Variants in FRMD7 observed in about 807,000 individuals in gnomAD.
FRMD7 encodes FERM domain-containing protein 7.
FRMD7 carries 14 observed loss-of-function variants against 44.1 expected under a neutral mutation model. That is an observed-to-expected ratio of 0.32 (90% CI 0.21 to 0.50). The LOEUF (loss-of-function observed/expected upper bound fraction) is 0.50. FRMD7 is among the 20% of genes least tolerant of loss of function. The probability of loss-of-function intolerance (pLI) is 0.99; values close to 1 mark genes in which losing one functional copy is unlikely to be tolerated. For missense variants in FRMD7, 501 were observed against 522.3 expected (o/e 0.96, Z 0.40); for synonymous variants, 212 against 187.4 (o/e 1.13, Z -1.07).
intron 5 of FRMD7, among the ~76,000 whole-genome samples, chrX:132,091,035 T>C (rs917836906): frequency 9.0e-6 from 1 of 111,573 alleles, no homozygotes; most frequent in African/African-American, 3.3e-5. Flanking sequence ...CCATTTCCTC[T>C]TGAGGTCTGT....
Position 132,118,707 on chromosome X carries a change from C to A in FRMD7, c.57+9081G>T, listed in dbSNP as rs750685619. On this transcript the variant is annotated intron_variant, in intron 1 of 11. Coordinates refer to ENST00000298542, the MANE Select transcript of FRMD7 (RefSeq NM_194277.3). ...TGGGCATTTAGCTGTCTCATCAGTT[C>A]CTGCTTGTCTCTCCTGTCTCAGCCC... Among the ~76,000 whole-genome samples, 77 of 111,753 alleles carry A rather than the reference C, an allele frequency of 6.9e-4. 1 individual carries two copies. Among genetic ancestry groups the A allele is most frequent in the Non-Finnish European group, 1.1e-3 (56 of 53,030 alleles).
intron 5 of FRMD7, among the ~76,000 whole-genome samples, chrX:132,089,187 T>C (rs1296659662): frequency 8.9e-6 from 1 of 112,090 alleles, no homozygotes; most frequent in African/African-American, 3.2e-5. Flanking sequence ...CAGAAGTAAC[T>C]CCTTACATTT....
chrX:132,127,721 G>A, intron 1 of FRMD7, 67 bp downstream of exon 1: 2 of 845,677 alleles, frequency 2.4e-6, no homozygotes, highest in Non-Finnish European at 3.6e-6. Context: ...CTCTCTAATG[G>A]GCTGTTCACA....
chrX:132,088,734 C>G (rs1445857689), intron 5 of FRMD7, among the ~76,000 whole-genome samples: 1 of 110,833 alleles, frequency 9.0e-6, no homozygotes, highest in Non-Finnish European at 1.9e-5. Flanking sequence ...TAAAAAGTTC[C>G]ATTTACAATA....
At chrX:132,112,916 T>A (rs1188087896) in intron 1 of FRMD7, among the ~76,000 whole-genome samples, 1 of 111,715 alleles carries the variant, frequency 9.0e-6, no homozygotes, top group Non-Finnish European at 1.9e-5. Context: ...ACAGGTTGCA[T>A]CTGATTCACA....
chrX:132,097,402 T>TACACACACAC, intron 3 of FRMD7, 58 bp from the exon 4 acceptor site: 1 of 584,028 alleles, frequency 1.7e-6, no homozygotes, highest in Non-Finnish European at 3.0e-6. Flanking sequence ...CAGTTATAGG[T>TACACACACAC]ACACACACAC....
chrX:132,125,301 G>A (rs1034196987), intron 1 of FRMD7, among the ~76,000 whole-genome samples: 46 of 111,855 alleles, frequency 4.1e-4, no homozygotes, highest in Non-Finnish European at 1.7e-4. Flanking sequence ...ATCTGATCAT[G>A]TGTCCTTTTT....
intron 8 of FRMD7, among the ~76,000 whole-genome samples, chrX:132,083,008 T>C (rs903236181): frequency 2.7e-5 from 3 of 112,121 alleles, no homozygotes; most frequent in African/African-American, 3.3e-5. Context: ...TGAAGTGCAG[T>C]GGCATGATCA....
Position 132,085,926 on chromosome X carries a change from T to C in FRMD7, c.491A>G (p.Lys164Arg). The C allele has an allele frequency of 8.4e-7, 1 of 1,185,023 alleles. No homozygotes were observed. The highest frequency in any genetic ancestry group is 1.1e-6 in the Non-Finnish European group (1 of 870,937). The change falls in exon 6 of 12, where the codon AAG becomes AGG. Residue 164 changes from lysine (K) to arginine (R), a missense_variant. Physicochemically the swap from Lys to Arg is conservative, Grantham distance 26 (BLOSUM62 2). Coordinates refer to ENST00000298542, the MANE Select transcript of FRMD7 (RefSeq NM_194277.3). ...LEGKIMHFHQ[K>R]HIGRSPAESD... ...GCCAGCTGAAAGTACTTACATGTGC[T>C]TCTGATGAAAGTGCATGATCTTGCC...
chrX:132,109,273 G>A (rs1928721954), intron 1 of FRMD7, among the ~76,000 whole-genome samples: 2 of 111,762 alleles, frequency 1.8e-5, no homozygotes, highest in Admixed American at 1.9e-4. Flanking sequence ...ACAGAGAACT[G>A]TTTCATCAGT....
At chrX:132,108,483 T>C (rs956864887) in intron 1 of FRMD7, among the ~76,000 whole-genome samples, 1 of 112,022 alleles carries the variant, frequency 8.9e-6, no homozygotes, top group Non-Finnish European at 1.9e-5. Context: ...CTTTACACAG[T>C]GTCTGACACA....
At chrX:132,111,271 A>T (rs926580173) in intron 1 of FRMD7, among the ~76,000 whole-genome samples, 1 of 111,224 alleles carries the variant, frequency 9.0e-6, no homozygotes, top group African/African-American at 3.3e-5. Flanking sequence ...CTATTTATTT[A>T]CTTATTTTGA....
chrX:132,080,542 T>C lies in FRMD7; in HGVS notation c.906-276A>G, dbSNP rs143360932. On this transcript the variant is annotated intron_variant, in intron 9 of 11. Coordinates refer to ENST00000298542, the MANE Select transcript of FRMD7 (RefSeq NM_194277.3). ...AAAAATAATATACCTGGTCTGGGCA[T>C]GGTGGCTCACACCTTAATCCCAGCC... Among the ~76,000 whole-genome samples the C allele has an allele frequency of 6.1e-3, 687 of 112,283 alleles. 5 individuals are homozygous for C. Among genetic ancestry groups the C allele is most frequent in the African/African-American group, 0.021 (648 of 30,921 alleles).
At chrX:132,082,961 G>C (rs1014426094) in intron 8 of FRMD7, among the ~76,000 whole-genome samples, 3 of 111,875 alleles carry the variant, frequency 2.7e-5, no homozygotes, top group Admixed American at 9.5e-5. Flanking sequence ...TAAGTCTGTT[G>C]TTTTCTTGAG....
intron 4 of FRMD7, among the ~76,000 whole-genome samples, chrX:132,096,541 C>G (rs1214424367): frequency 1.9e-5 from 2 of 105,649 alleles, no homozygotes; most frequent in Non-Finnish European, 3.9e-5. Flanking sequence ...CATAGCAAAG[C>G]CCCATCTCTA....
chrX:132,079,493 C>T (rs1367555394), intron 11 of FRMD7, among the ~76,000 whole-genome samples: 2 of 111,767 alleles, frequency 1.8e-5, no homozygotes, highest in Non-Finnish European at 3.8e-5. Flanking sequence ...TTTATGAGAC[C>T]TATAATTATT....
Position 132,102,802 on chromosome X carries a change from T to C in FRMD7, c.58-2086A>G, listed in dbSNP as rs765521889. On this transcript the variant is annotated intron_variant, in intron 1 of 11. Coordinates refer to ENST00000298542, the MANE Select transcript of FRMD7 (RefSeq NM_194277.3). ...CCTTTCTCCTTTTCATATTTTATTCTTATTTTCCATCAGGGCACTTAATCC... is the reference window on the plus strand; with the variant it reads ...CCTTTCTCCTTTTCATATTTTATTCCTATTTTCCATCAGGGCACTTAATCC... Among the ~76,000 whole-genome samples, 11 of 112,128 alleles carry C rather than the reference T, an allele frequency of 9.8e-5. No individual in the cohort carries two copies. The South Asian group carries it at 4.1e-3, about 42-fold the overall frequency.
intron 1 of FRMD7, among the ~76,000 whole-genome samples, chrX:132,105,240 TCAAA>T (rs777560612): frequency 2.7e-5 from 3 of 111,791 alleles, no homozygotes; most frequent in Non-Finnish European, 5.6e-5. Flanking sequence ...TGACCCTATA[TCAAA>T]CAGTTAGGAT....
At chrX:132,079,899 G>T in intron 11 of FRMD7, 107 bp downstream of exon 11, 1 of 618,483 alleles carries the variant, frequency 1.6e-6, no homozygotes, top group Non-Finnish European at 2.8e-6. Context: ...CTCAAACAGA[G>T]TAACCTTTTT....
Sources: gnomAD v4.1 joint callset for allele counts (sites outside exome capture counted in the v4.1 genomes callset) on GRCh38, gnomAD v4.1.1 for gene constraint, MANE v1.5 for transcripts, NCBI Gene and HGNC (gene_info 2026-07-23, HGNC 2026-07-21) for gene names.